CLPB: variants seen among roughly 807,000 people sequenced by gnomAD.
CLPB encodes the protein ClpB family mitochondrial disaggregase.
A neutral mutation model predicts 78.4 loss-of-function variants in CLPB; 40 were observed. That is an observed-to-expected ratio of 0.51 (90% confidence interval 0.40 to 0.66). The LOEUF (loss-of-function observed/expected upper bound fraction) is 0.66. Among genes scored for constraint, CLPB ranks in the 30% least tolerant of loss-of-function variants. CLPB has a pLI of 0.00. For missense variants in CLPB, 780 were observed against 886.9 expected, an observed-to-expected ratio of 0.88 and a Z score of 1.53; for synonymous variants, 333 against 348.0, an observed-to-expected ratio of 0.96 and a Z score of 0.48.
intron 3 of CLPB, among the ~76,000 whole-genome samples, chr11:72,381,576 G>A (rs1854915378): frequency 6.6e-6 from 1 of 152,148 alleles, no homozygotes; most frequent in South Asian, 2.1e-4. Flanking sequence ...GGGCAGCCTT[G>A]GTGGCCCAGG....
At chr11:72,323,196 C>A (rs1190255450) in intron 6 of CLPB, among the ~76,000 whole-genome samples, 1 of 152,176 alleles carries the variant, frequency 6.6e-6, no homozygotes, top group East Asian at 1.9e-4. Flanking sequence ...AATGCATAAT[C>A]TGAGTTTAAT....
intron 4 of CLPB, among the ~76,000 whole-genome samples, chr11:72,373,833 G>A (rs930764208): frequency 2.0e-5 from 3 of 151,694 alleles, no homozygotes; most frequent in East Asian, 1.9e-4. Context: ...TGGTGGTGGC[G>A]CCAGTAATCC....
chr11:72,425,258 T>C (rs1218737730), intron 2 of CLPB, among the ~76,000 whole-genome samples: 1 of 152,218 alleles, frequency 6.6e-6, no homozygotes, highest in African/African-American at 2.4e-5. Flanking sequence ...TGACTCCTAG[T>C]TAGACTGTGC....
intron 12 of CLPB, 55 bp downstream of exon 12, chr11:72,295,437 G>A: frequency 6.3e-7 from 1 of 1,589,686 alleles, no homozygotes; most frequent in Non-Finnish European, 8.6e-7. Context: ...CCTTCCCCAG[G>A]AGATAGGCTG....
At chr11:72,335,666 T>C (rs1274759985) in intron 5 of CLPB, among the ~76,000 whole-genome samples, 2 of 152,240 alleles carry the variant, frequency 1.3e-5, no homozygotes, top group Non-Finnish European at 2.9e-5. Context: ...TCCATCTTAC[T>C]GCATTGGCCA....
chr11:72,384,528 T>C (rs540359430), intron 3 of CLPB, among the ~76,000 whole-genome samples: 3 of 152,220 alleles, frequency 2.0e-5, no homozygotes, highest in South Asian at 4.1e-4. Context: ...AGAGGAATAA[T>C]GGATCTACAA....
chr11:72,398,173 A>G (rs965980173), intron 3 of CLPB, among the ~76,000 whole-genome samples: 1 of 152,224 alleles, frequency 6.6e-6, no homozygotes, highest in Non-Finnish European at 1.5e-5. Context: ...CTCCCAATCC[A>G]TCCCTCAGTG....
chr11:72,359,713 G>A (rs180982779), intron 4 of CLPB, among the ~76,000 whole-genome samples: 3 of 152,268 alleles, frequency 2.0e-5, no homozygotes, highest in Middle Eastern at 3.4e-3. Flanking sequence ...CAAATTTCAT[G>A]TGTGTGTGTA....
intron 2 of CLPB, among the ~76,000 whole-genome samples, chr11:72,408,886 C>T (rs576010791): frequency 5.3e-5 from 8 of 152,296 alleles, no homozygotes; most frequent in Non-Finnish European, 1.0e-4. Context: ...AGCTAGGCGG[C>T]GGGCTGCCCG....
At chr11:72,333,738 C>G (rs933428116) in intron 5 of CLPB, among the ~76,000 whole-genome samples, 4 of 152,174 alleles carry the variant, frequency 2.6e-5, no homozygotes, top group African/African-American at 9.7e-5. Context: ...GACTTGTTCG[C>G]CTAGCCTAGC....
intron 6 of CLPB, among the ~76,000 whole-genome samples, chr11:72,324,316 C>G (rs1950095474): frequency 6.6e-6 from 1 of 151,974 alleles, no homozygotes; most frequent in African/African-American, 2.4e-5. Context: ...GCCTATAATC[C>G]CAGCACTTTG....
intron 7 of CLPB, among the ~76,000 whole-genome samples, chr11:72,313,359 G>A (rs1213892217): frequency 6.6e-6 from 1 of 152,216 alleles, no homozygotes; most frequent in Non-Finnish European, 1.5e-5. Context: ...TTAGTCCTTA[G>A]TAAGGATTAT....
chr11:72,360,794 A>G (rs1214063279), intron 4 of CLPB, among the ~76,000 whole-genome samples: 1 of 152,204 alleles, frequency 6.6e-6, no homozygotes, highest in East Asian at 1.9e-4. Flanking sequence ...GTCACTTCAC[A>G]CAATCTTACT....
At chr11:72,329,961 C>T (rs1414208162) in intron 5 of CLPB, among the ~76,000 whole-genome samples, 157 bp from the exon 6 acceptor site, 5 of 152,160 alleles carry the variant, frequency 3.3e-5, no homozygotes, top group Admixed American at 6.5e-5. Context: ...CCTACATGTG[C>T]ATGCACACAT....
intron 6 of CLPB, among the ~76,000 whole-genome samples, chr11:72,324,645 G>C (rs925956991): frequency 6.6e-6 from 1 of 152,170 alleles, no homozygotes; most frequent in East Asian, 1.9e-4. Flanking sequence ...ACTTAGCACT[G>C]TATCTGGCCC....
chr11:72,408,272 T>C, intron 2 of CLPB: 2 of 1,068,746 alleles, frequency 1.9e-6, no homozygotes, highest in Admixed American at 2.0e-5. Flanking sequence ...TCTAGCTCTG[T>C]CACTTACTAG....
chr11:72,297,041 C>T (rs1949563764), intron 11 of CLPB, among the ~76,000 whole-genome samples: 1 of 152,238 alleles, frequency 6.6e-6, no homozygotes, highest in Non-Finnish European at 1.5e-5. Flanking sequence ...TTTCCTTCGA[C>T]AGAATTTTCT....
Position 72,408,007 on chromosome 11 carries a change from C to A in CLPB, c.456-4955G>T, listed in dbSNP as rs566999299. On this transcript the variant is annotated intron_variant, in intron 2 of 15. Coordinates refer to ENST00000538039, the MANE Select transcript of CLPB (RefSeq NM_001258392.3). The stretch of plus-strand genomic sequence containing the variant: ...CACATCATCTGGCTAAGCTTTGTCT[C>A]TTCATAGGTCCAATGAGGATCACAA... The A allele has an allele frequency of 8.5e-5, 74 of 868,546 alleles. No individual in the cohort carries two copies. The African/African-American group carries it at 1.1e-3, about 13-fold the overall frequency. 53.8% of individuals were successfully genotyped at this position (868,546 alleles called of 1,614,324 possible). A position where few individuals can be genotyped will look rare whatever the true frequency, so the allele number is the denominator to read the frequency against.
chr11:72,399,285 T>C (rs1334261392), intron 3 of CLPB, among the ~76,000 whole-genome samples: 3 of 151,992 alleles, frequency 2.0e-5, no homozygotes, highest in African/African-American at 4.8e-5. Context: ...ATTTTATGTA[T>C]GATTTTTACA....
Sources: allele counts gnomAD v4.1 joint callset (sites outside exome capture counted in the v4.1 genomes callset), GRCh38; gene constraint gnomAD v4.1.1; transcripts MANE v1.5; gene names NCBI Gene and HGNC (gene_info 2026-07-23, HGNC 2026-07-21).